Variants in GLCE observed in about 807,000 individuals in gnomAD.
GLCE encodes D-glucuronyl C5-epimerase.
Under a neutral mutation model 47.9 loss-of-function variants are expected in GLCE, and 19 were observed. That is an observed-to-expected ratio of 0.40 (90% CI 0.28 to 0.58). The LOEUF (loss-of-function observed/expected upper bound fraction) is 0.58, where lower values mean the gene tolerates loss of function less well. Among genes scored for constraint, GLCE ranks in the 20% least tolerant of loss-of-function variants. GLCE has a pLI of 0.48. For synonymous variants in GLCE, 245 were observed against 263.4 expected (o/e 0.93, Z 0.68); for missense variants, 556 against 743.3 (o/e 0.75, Z 2.93).
intron 1 of GLCE, among the ~76,000 whole-genome samples, chr15:69,188,627 T>C (rs1247726397): frequency 6.6e-6 from 1 of 152,196 alleles, no homozygotes; most frequent in African/African-American, 2.4e-5. Flanking sequence ...TCTTCTTGAG[T>C]GAGCTTTATA....
At chr15:69,267,045 TTTG>T (rs61464530) in intron 4 of GLCE, among the ~76,000 whole-genome samples, 39,953 of 151,984 alleles carry the variant, frequency 0.26, 5,492 homozygotes, top group African/African-American at 0.34. Flanking sequence ...TACGTATATT[TTTG>T]TTGTTCTTAT....
At chr15:69,267,195 A>G (rs1478862640) in intron 4 of GLCE, among the ~76,000 whole-genome samples, 1 of 152,218 alleles carries the variant, frequency 6.6e-6, no homozygotes, top group African/African-American at 2.4e-5. Context: ...CTCTTTAATA[A>G]TTTGTCAAAT....
At chr15:69,231,403 C>T (rs921842656) in intron 2 of GLCE, among the ~76,000 whole-genome samples, 3 of 151,912 alleles carry the variant, frequency 2.0e-5, no homozygotes, top group African/African-American at 7.3e-5. Context: ...CCTGCCTCAG[C>T]CTCCCAAGTT....
chr15:69,182,134 AAT>A (rs1300678322), intron 1 of GLCE, among the ~76,000 whole-genome samples: 1 of 152,056 alleles, frequency 6.6e-6, no homozygotes, highest in African/African-American at 2.4e-5. Context: ...AAAAAGTTGA[AAT>A]AGTTATGTAA....
intron 2 of GLCE, among the ~76,000 whole-genome samples, chr15:69,248,701 G>A (rs1461560128): frequency 3.3e-5 from 5 of 151,886 alleles, no homozygotes; most frequent in African/African-American, 7.3e-5. Context: ...CTCAGCTCAC[G>A]GCAATTCTCC....
At chr15:69,222,638 C>A (rs2052393401) in intron 2 of GLCE, among the ~76,000 whole-genome samples, 1 of 152,152 alleles carries the variant, frequency 6.6e-6, no homozygotes, top group Non-Finnish European at 1.5e-5. Flanking sequence ...ATCTCTCTAA[C>A]CTCTTTCAGT....
At chr15:69,260,252 G>GCTTTTTTTTTTTTTTTTTTTTTTTTT (rs57452657) in intron 3 of GLCE, among the ~76,000 whole-genome samples, 1 of 79,224 alleles carries the variant, frequency 1.3e-5, no homozygotes, top group African/African-American at 4.3e-5. Context: ...GTCACAACTG[G>GCTTTTTTTTTTTTTTTTTTTTTTTTT]TTTTTTTTTT....
intron 2 of GLCE, among the ~76,000 whole-genome samples, chr15:69,253,479 A>G (rs148166273): frequency 3.3e-5 from 5 of 152,352 alleles, no homozygotes; most frequent in African/African-American, 4.8e-5. Flanking sequence ...TTCTCCCTTA[A>G]ATGTGAATGA....
chr15:69,246,600 C>A (rs1383651085), intron 2 of GLCE, among the ~76,000 whole-genome samples: 1 of 151,808 alleles, frequency 6.6e-6, no homozygotes, highest in Admixed American at 6.6e-5. Flanking sequence ...CCTCTAATCC[C>A]AGCTACTCAG....
intron 2 of GLCE, among the ~76,000 whole-genome samples, chr15:69,228,897 A>G (rs1262192211): frequency 2.0e-5 from 3 of 152,166 alleles, no homozygotes; most frequent in Non-Finnish European, 4.4e-5. Context: ...CATGTTGCCC[A>G]GGCTGGTCTC....
At chr15:69,228,321 C>T (rs989018763) in intron 2 of GLCE, among the ~76,000 whole-genome samples, 14 of 152,128 alleles carry the variant, frequency 9.2e-5, no homozygotes, top group African/African-American at 3.4e-4. Flanking sequence ...AATTAAAACT[C>T]ATGATATCAG....
At chr15:69,207,886 C>G (rs1278957899) in intron 1 of GLCE, among the ~76,000 whole-genome samples, 4 of 152,106 alleles carry the variant, frequency 2.6e-5, no homozygotes, top group African/African-American at 9.6e-5. Flanking sequence ...TTTCCTATTG[C>G]TCTGTATCTT....
intron 1 of GLCE, among the ~76,000 whole-genome samples, chr15:69,207,204 A>G (rs765297020): frequency 1.5e-4 from 23 of 152,062 alleles, no homozygotes; most frequent in Non-Finnish European, 2.6e-4. Flanking sequence ...AGCCAGATTC[A>G]TTTGTCATGG....
intron 1 of GLCE, among the ~76,000 whole-genome samples, chr15:69,161,906 G>A (rs2051429537): frequency 1.3e-5 from 1 of 74,324 alleles, no homozygotes; most frequent in African/African-American, 3.4e-5. Context: ...TTGAGGGTGG[G>A]GAAGACTGAT....
At chr15:69,253,407 A>G (rs1279913105) in intron 2 of GLCE, among the ~76,000 whole-genome samples, 1 of 152,230 alleles carries the variant, frequency 6.6e-6, no homozygotes, top group Non-Finnish European at 1.5e-5. Flanking sequence ...CAGGGGAACA[A>G]TCTAGCCAAA....
chr15:69,219,736 C>T (rs2052354089), intron 2 of GLCE, among the ~76,000 whole-genome samples: 1 of 152,002 alleles, frequency 6.6e-6, no homozygotes. Context: ...TTAAAATACA[C>T]GTAATATAAA....
intron 1 of GLCE, among the ~76,000 whole-genome samples, chr15:69,168,275 GAGTTA>G (rs2051535045): frequency 6.6e-6 from 1 of 152,066 alleles, no homozygotes; most frequent in Non-Finnish European, 1.5e-5. Flanking sequence ...TCAAAAAAAA[GAGTTA>G]AATTAAATGA....
intron 3 of GLCE, among the ~76,000 whole-genome samples, chr15:69,259,796 T>C (rs578012901): frequency 6.6e-5 from 10 of 152,254 alleles, no homozygotes; most frequent in African/African-American, 2.2e-4. Flanking sequence ...ACAGAGGAGA[T>C]CCCCCTCTTG....
intron 1 of GLCE, among the ~76,000 whole-genome samples, chr15:69,197,803 C>T (rs964322434): frequency 1.3e-5 from 2 of 152,046 alleles, no homozygotes; most frequent in Non-Finnish European, 2.9e-5. Context: ...GGGAACTATG[C>T]ACATTTGGTG....
Sources: allele counts gnomAD v4.1 joint callset (sites outside exome capture counted in the v4.1 genomes callset), GRCh38; gene constraint gnomAD v4.1.1; transcripts MANE v1.5; gene names NCBI Gene and HGNC (gene_info 2026-07-23, HGNC 2026-07-21).